AK9: variants seen among roughly 807,000 people sequenced by gnomAD.
AK9 encodes adenylate kinase 9.
Under a neutral mutation model 239.6 loss-of-function variants are expected in AK9, and 191 were observed. That is an observed-to-expected ratio of 0.80 (90% CI 0.71 to 0.90). The LOEUF is 0.90. Among genes scored for constraint, AK9 ranks in the 40% least tolerant of loss-of-function variants. The probability of loss-of-function intolerance (pLI) is 0.00; values close to 1 mark genes in which losing one functional copy is unlikely to be tolerated. For missense variants in AK9, 1,995 were observed against 2,214.7 expected (o/e 0.90, Z 1.99); for synonymous variants, 689 against 721.0 (o/e 0.96, Z 0.71).
chr6:109,638,418 C>G (rs1796980367), intron 10 of AK9, among the ~76,000 whole-genome samples: 1 of 152,150 alleles, frequency 6.6e-6, no homozygotes, highest in Non-Finnish European at 1.5e-5. Flanking sequence ...TGACCTCTTT[C>G]TTCAAAGATT....
chr6:109,612,880 C>T (rs1793739446), intron 15 of AK9, among the ~76,000 whole-genome samples: 1 of 150,092 alleles, frequency 6.7e-6, no homozygotes, highest in African/African-American at 2.4e-5. Flanking sequence ...TAAACTTACA[C>T]AAATATATTT....
chr6:109,672,190 T>G, intron 3 of AK9, 23 bp from the exon 4 acceptor site: 1 of 1,585,950 alleles, frequency 6.3e-7, no homozygotes, highest in East Asian at 2.2e-5. Context: ...TTCAAAATAT[T>G]AATACAGACT....
chr6:109,528,212 G>A, intron 29 of AK9: 1 of 314,916 alleles, frequency 3.2e-6, no homozygotes, highest in South Asian at 2.7e-5. Flanking sequence ...GGACTCCCAA[G>A]GGCTTAAAGT....
In AK9 at chr6:109,629,808, T is replaced by G. The variant is rs184836867; in HGVS notation, c.1254+3115A>C. Among the ~76,000 whole-genome samples the G allele has an allele frequency of 4.4e-3, 673 of 152,100 alleles. 9 individuals are homozygous for G. The highest frequency in any genetic ancestry group is 0.016 in the African/African-American group (649 of 41,480). ...TCACCGTGCCCGGCTAATTTTTTTGTATTTTTAGTAGAGACGGGGTTTCAC... is the reference window on the plus strand; with the variant it reads ...TCACCGTGCCCGGCTAATTTTTTTGGATTTTTAGTAGAGACGGGGTTTCAC... On this transcript the variant is annotated intron_variant, in intron 12 of 40. Coordinates refer to ENST00000424296, the MANE Select transcript of AK9 (RefSeq NM_001145128.3).
At chr6:109,647,497 A>G (rs1257775359) in intron 8 of AK9, among the ~76,000 whole-genome samples, 1 of 152,226 alleles carries the variant, frequency 6.6e-6, no homozygotes, top group Non-Finnish European at 1.5e-5. Context: ...AAGGAAGGCC[A>G]TTACATAATG....
chr6:109,659,541 T>A, intron 6 of AK9, 128 bp from the exon 7 acceptor site: 1 of 1,197,602 alleles, frequency 8.4e-7, no homozygotes, highest in Non-Finnish European at 1.1e-6. Context: ...AAATGCAATA[T>A]TGTGACTGGC....
At chr6:109,639,946 A>T in intron 10 of AK9, among the ~76,000 whole-genome samples, 1 of 152,196 alleles carries the variant, frequency 6.6e-6, no homozygotes, top group Middle Eastern at 3.2e-3. Flanking sequence ...TTTGTCAAAG[A>T]TCAGATGGTT....
chr6:109,530,872 G>A (rs190626240), intron 28 of AK9, among the ~76,000 whole-genome samples: 90 of 152,066 alleles, frequency 5.9e-4, no homozygotes, highest in African/African-American at 2.0e-3. Context: ...GTGAAACCCC[G>A]TCTATACTAA....
chr6:109,579,699 T>A, intron 19 of AK9, 73 bp from the exon 20 acceptor site: 15 of 1,235,568 alleles, frequency 1.2e-5, no homozygotes, highest in Non-Finnish European at 1.7e-5. Flanking sequence ...GATTAAATGC[T>A]TATAGTGTTA....
At chr6:109,631,298 A>T (rs562280917) in intron 12 of AK9, among the ~76,000 whole-genome samples, 2 of 152,324 alleles carry the variant, frequency 1.3e-5, no homozygotes, top group East Asian at 1.9e-4. Context: ...TATAATCAAC[A>T]GATAACTTGT....
chr6:109,562,805 T>C (rs796758813), intron 24 of AK9, among the ~76,000 whole-genome samples: 4 of 152,258 alleles, frequency 2.6e-5, no homozygotes, highest in African/African-American at 9.6e-5. Context: ...GCTTTGAGTA[T>C]TACAGCCGGC....
chr6:109,639,802 A>C (rs1015713089), intron 10 of AK9, among the ~76,000 whole-genome samples: 2 of 152,186 alleles, frequency 1.3e-5, no homozygotes, highest in African/African-American at 2.4e-5. Flanking sequence ...TAAGTCTTTA[A>C]TCCATCTTGA....
Position 109,544,360 on chromosome 6 carries a change from C to T in AK9, c.3225+1507G>A, listed in dbSNP as rs548066409. Among the ~76,000 whole-genome samples the T allele has an allele frequency of 2.6e-4, 39 of 152,210 alleles. 1 individual carries two copies. The South Asian group carries it at 3.1e-3, about 12-fold the overall frequency. Reference sequence around the variant, plus strand: ...TTAATACGGTTTGGATCTGTTTCCCCGCCCAAATCTCATGTGGAATTGCAA... The same window carrying T: ...TTAATACGGTTTGGATCTGTTTCCCTGCCCAAATCTCATGTGGAATTGCAA... On this transcript the variant is annotated intron_variant, in intron 26 of 40. Transcript: ENST00000424296.
intron 17 of AK9, among the ~76,000 whole-genome samples, chr6:109,595,094 T>A (rs1055118723): frequency 6.6e-6 from 1 of 152,064 alleles, no homozygotes; most frequent in Non-Finnish European, 1.5e-5. Context: ...GGGAGAAAAT[T>A]TTTGCAATCT....
chr6:109,623,866 C>G (rs1035824709), intron 12 of AK9, among the ~76,000 whole-genome samples: 1 of 128,000 alleles, frequency 7.8e-6, no homozygotes, highest in Non-Finnish European at 1.7e-5. Flanking sequence ...ATCTTAGACA[C>G]ACACACACAC....
chr6:109,520,079 T>C (rs1160123870), intron 29 of AK9, among the ~76,000 whole-genome samples: 1 of 152,200 alleles, frequency 6.6e-6, no homozygotes, highest in Non-Finnish European at 1.5e-5. Flanking sequence ...ATAGTTTCTT[T>C]TGCTGTGCAG....
In AK9 at chr6:109,506,377, AC is replaced by A; in HGVS notation, c.4798del (p.Val1600PhefsTer4). The A allele has an allele frequency of 6.2e-7, 1 of 1,613,778 alleles. No individual in the cohort carries two copies. Among genetic ancestry groups the A allele is most frequent in the Non-Finnish European group, 8.5e-7 (1 of 1,179,946 alleles). ...CTGCATGTATTTATTCACCATTTGA[AC>A]ATTCTTAATGACTTCATTCCATACC... ...WWVWNEVIKN[V>X]QMVNKYMQTY... is the part of the protein sequence containing the mutation. On this transcript the variant is annotated frameshift_variant, in exon 35 of 41. Coordinates refer to ENST00000424296, the MANE Select transcript of AK9 (RefSeq NM_001145128.3). LOFTEE classifies it high-confidence loss of function.
intron 1 of AK9, among the ~76,000 whole-genome samples, chr6:109,681,235 TAA>T (rs1202818986): frequency 6.6e-6 from 1 of 151,562 alleles, no homozygotes; most frequent in Non-Finnish European, 1.5e-5. Flanking sequence ...AGGTGCAAAA[TAA>T]AGGGATGGAG....
In AK9 at chr6:109,533,474, G is replaced by A. The variant is rs1781544976; in HGVS notation, c.3351-4C>T. On this transcript the variant is annotated splice_polypyrimidine_tract_variant and splice_region_variant and intron_variant, in intron 27 of 40. Transcript: ENST00000424296. ...ATCTAATATAAAACCTGTGGAACTG[G>A]TGGAAATTTTCATAATTTACTTTAT... 2 of 1,564,084 alleles carry A rather than the reference G, an allele frequency of 1.3e-6. No homozygotes were observed. Among genetic ancestry groups the A allele is most frequent in the Non-Finnish European group, 1.7e-6 (2 of 1,161,214 alleles).
Sources: gnomAD v4.1 joint callset for allele counts (sites outside exome capture counted in the v4.1 genomes callset) on GRCh38, gnomAD v4.1.1 for gene constraint, MANE v1.5 for transcripts, NCBI Gene and HGNC (gene_info 2026-07-23, HGNC 2026-07-21) for gene names.